Variants in ARHGEF10L observed in about 807,000 individuals in gnomAD.
ARHGEF10L encodes the protein rho guanine nucleotide exchange factor 10-like protein.
Under a neutral mutation model 141.2 loss-of-function variants are expected in ARHGEF10L, and 69 were observed. That is an observed-to-expected ratio of 0.49 (90% CI 0.40 to 0.60). The LOEUF is 0.60. ARHGEF10L is among the 20% of genes least tolerant of loss of function. ARHGEF10L has a pLI of 0.00. For synonymous variants in ARHGEF10L, 711 were observed against 718.5 expected, an observed-to-expected ratio of 0.99 and a Z score of 0.17; for missense variants, 1,482 against 1,734.3, an observed-to-expected ratio of 0.85 and a Z score of 2.58.
At position 17,697,466 on chromosome 1, in the gene ARHGEF10L, T is replaced by G. The variant is rs2102636825; in HGVS notation, c.*86T>G. 6.8e-7 allele frequency: 1 copy of G among 1,462,494 alleles called. No individual in the cohort carries two copies. The highest frequency in any genetic ancestry group is 9.2e-7 in the Non-Finnish European group (1 of 1,088,872). The allele number at this position is 1,462,494 out of a possible 1,614,324, so 90.6% of individuals were successfully genotyped here. A position where few individuals can be genotyped will look rare whatever the true frequency, so the allele number is the denominator to read the frequency against. ...TCGTGCTCTAGGACCTGCACGGGAC[T>G]TGTGGATGGGCCTGGACTCTCCAGA... On this transcript the variant is annotated 3_prime_UTR_variant, in exon 29 of 29. Transcript: ENST00000361221. The surrounding 1 kb of genome is among the most constrained non-coding windows in gnomAD (Gnocchi z 4.8).
chr1:17,514,381 C>A, the ARHGEF10L span, among the ~76,000 whole-genome samples: 1 of 152,086 alleles, frequency 6.6e-6, no homozygotes, highest in Non-Finnish European at 1.5e-5. Context: ...AGTGATCCAC[C>A]CGCCTCAGAC....
intron 4 of ARHGEF10L, 47 bp downstream of exon 4, chr1:17,588,526 C>T (rs2100668642): frequency 1.2e-6 from 2 of 1,612,104 alleles, no homozygotes; most frequent in African/African-American, 2.7e-5. Flanking sequence ...AACAGGGAGA[C>T]ACCGGGCAGT....
intron 26 of ARHGEF10L, among the ~76,000 whole-genome samples, chr1:17,681,335 C>T (rs1440504010): frequency 1.3e-5 from 2 of 152,198 alleles, no homozygotes; most frequent in African/African-American, 4.8e-5. Flanking sequence ...TGCACTGATG[C>T]TATCTAAATA....
chr1:17,618,477 G>A (rs767192510), intron 9 of ARHGEF10L: 56 of 1,463,682 alleles, frequency 3.8e-5, no homozygotes, highest in Middle Eastern at 3.7e-4. Context: ...CCCCCACGCC[G>A]TCATCCGCTG....
At chr1:17,515,230 G>C in the ARHGEF10L span, among the ~76,000 whole-genome samples, 4 of 151,882 alleles carry the variant, frequency 2.6e-5, no homozygotes, top group African/African-American at 9.7e-5. Flanking sequence ...GGGTGCTCCT[G>C]GCATCTTGTA....
Position 17,638,023 on chromosome 1 carries a change from C to T in ARHGEF10L, c.2043+20C>T. Reference sequence around the variant, plus strand: ...TACCAGGTACGTGGCCTGGCCTGACCTTTTTGGCCTGAGCTCCCCAGTGTG... The same window carrying T: ...TACCAGGTACGTGGCCTGGCCTGACTTTTTTGGCCTGAGCTCCCCAGTGTG... On this transcript the variant is annotated intron_variant, in intron 19 of 28. Coordinates refer to ENST00000361221, the MANE Select transcript of ARHGEF10L (RefSeq NM_018125.4). 6.4e-7 allele frequency: 1 copy of T among 1,557,902 alleles called. No homozygotes were observed.
At chr1:17,664,722 G>T (rs1488119616) in intron 26 of ARHGEF10L, 127 bp downstream of exon 26, 2 of 1,263,878 alleles carry the variant, frequency 1.6e-6, no homozygotes, top group East Asian at 2.9e-5. Context: ...GGCAGAGTTT[G>T]TCCGGAAGCA....
chr1:17,530,229 A>G, the ARHGEF10L span, among the ~76,000 whole-genome samples: 1 of 151,990 alleles, frequency 6.6e-6, no homozygotes, highest in African/African-American at 2.4e-5. Context: ...CCAAGTCTCT[A>G]TTGGGATGGT....
At chr1:17,683,563 A>C (rs957125741) in intron 26 of ARHGEF10L, among the ~76,000 whole-genome samples, 1 of 152,156 alleles carries the variant, frequency 6.6e-6, no homozygotes, top group Non-Finnish European at 1.5e-5. Context: ...GCAGGACTCC[A>C]GGCTCGTGGT....
rs529394571 is a variant in ARHGEF10L, at chr1:17,673,039, T to G, written c.3009+8444T>G. 6.6e-6 allele frequency among the ~76,000 whole-genome samples: 1 copy of G among 152,178 alleles called. No individual in the cohort carries two copies. Among genetic ancestry groups the G allele is most frequent in the South Asian group, 2.1e-4 (1 of 4,806 alleles). ...CAGAAGATTTAGGTGATGAAAAGAT[T>G]TCATGATTTTAAAAAGAAGTTGGTC... On this transcript the variant is annotated intron_variant, in intron 26 of 28. Coordinates refer to ENST00000361221, the MANE Select transcript of ARHGEF10L (RefSeq NM_018125.4). This position sits in a 1 kb window ranked among gnomAD's most constrained non-coding sequence, Gnocchi z 4.1.
intron 15 of ARHGEF10L, among the ~76,000 whole-genome samples, chr1:17,630,102 C>A (rs2060594891): frequency 6.6e-6 from 1 of 152,192 alleles, no homozygotes; most frequent in Non-Finnish European, 1.5e-5. Flanking sequence ...GTGGAGGCCG[C>A]ACCCTGGGCT....
the ARHGEF10L span, among the ~76,000 whole-genome samples, chr1:17,521,099 G>A: frequency 6.6e-6 from 1 of 152,222 alleles, no homozygotes; most frequent in East Asian, 1.9e-4. Context: ...CATTTGGAAG[G>A]CATTTTGAAG....
At chr1:17,556,287 G>A (rs2077321991) in intron 1 of ARHGEF10L, among the ~76,000 whole-genome samples, 1 of 112,688 alleles carries the variant, frequency 8.9e-6, no homozygotes, top group Non-Finnish European at 2.0e-5. Context: ...GGGGGGCCTG[G>A]GAGCACAGGG....
At position 17,616,780 on chromosome 1, in the gene ARHGEF10L, G is replaced by A. The variant is rs74059348; in HGVS notation, c.835+578G>A. On this transcript the variant is annotated intron_variant, in intron 9 of 28. Coordinates refer to ENST00000361221, the MANE Select transcript of ARHGEF10L (RefSeq NM_018125.4). ...TGAGGATGGACTTGGGGGATGAAAGGTCAGGGAAGGAGGAGGCACAGGTCA... is the reference window on the plus strand; with the variant it reads ...TGAGGATGGACTTGGGGGATGAAAGATCAGGGAAGGAGGAGGCACAGGTCA... Among the ~76,000 whole-genome samples the A allele has an allele frequency of 9.8e-3, 1,491 of 152,346 alleles. 24 individuals carry two copies. The highest frequency in any genetic ancestry group is 0.034 in the African/African-American group (1,419 of 41,570).
intron 26 of ARHGEF10L, among the ~76,000 whole-genome samples, chr1:17,676,998 A>G (rs1388360281): frequency 1.3e-5 from 2 of 151,964 alleles, no homozygotes; most frequent in African/African-American, 2.4e-5. Flanking sequence ...GGCCGTAAAC[A>G]GGACTCTGGG....
At position 17,635,013 on chromosome 1, in the gene ARHGEF10L, C is replaced by T; in HGVS notation, c.1924C>T (p.Gln642Ter). The T allele has an allele frequency of 6.2e-7, 1 of 1,614,030 alleles. No homozygotes were observed. The highest frequency in any genetic ancestry group is 8.5e-7 in the Non-Finnish European group (1 of 1,179,932). ...GAAGGCCTCTGCCTCAGGGCAGGCTCAGAGTGAGTACCCCCTCTCTGTGCC... is the reference window on the plus strand; with the variant it reads ...GAAGGCCTCTGCCTCAGGGCAGGCTTAGAGTGAGTACCCCCTCTCTGTGCC... ...AKKASASGQA[Q>*]NKVYLGPPRL... Residue 642 changes from glutamine (Q) to a stop codon, truncating the protein, a stop_gained, in exon 18 of 29, where the codon CAG (glutamine) becomes TAG (stop). Coordinates refer to ENST00000361221, the MANE Select transcript of ARHGEF10L (RefSeq NM_018125.4). LOFTEE classifies it high-confidence loss of function.
intron 1 of ARHGEF10L, among the ~76,000 whole-genome samples, chr1:17,566,454 C>T (rs2077759689): frequency 6.6e-6 from 1 of 152,236 alleles, no homozygotes; most frequent in Non-Finnish European, 1.5e-5. Flanking sequence ...TGTCTCCCTC[C>T]CCAACATCCC....
chr1:17,595,877 G>C (rs1388411805), intron 4 of ARHGEF10L, among the ~76,000 whole-genome samples: 4 of 152,304 alleles, frequency 2.6e-5, no homozygotes, highest in Admixed American at 1.3e-4. Context: ...GGAAACTGAG[G>C]CACGGAGAAA....
At chr1:17,516,429 A>G in the ARHGEF10L span, among the ~76,000 whole-genome samples, 2 of 152,216 alleles carry the variant, frequency 1.3e-5, no homozygotes, top group South Asian at 4.1e-4. Flanking sequence ...GAGATTCCAG[A>G]GACATTTCCA....
Sources: gnomAD v4.1 joint callset for allele counts (sites outside exome capture counted in the v4.1 genomes callset) on GRCh38, gnomAD v4.1.1 for gene constraint, Gnocchi (gnomAD v3.1) non-coding constraint, MANE v1.5 for transcripts, NCBI Gene and HGNC (gene_info 2026-07-23, HGNC 2026-07-21) for gene names.